The following SOCS7 variants were observed in gnomAD, a reference collection of about 807,000 sequenced individuals.
SOCS7 encodes suppressor of cytokine signaling 7.
In SOCS7, 18 loss-of-function variants were observed where a neutral mutation model predicts 58.9. That is an observed-to-expected ratio of 0.31 (90% confidence interval 0.21 to 0.45). The LOEUF (loss-of-function observed/expected upper bound fraction) is 0.45. Ranked by LOEUF, SOCS7 falls within the 20% of genes least tolerant of loss-of-function variation. The pLI is 1.00. For synonymous variants in SOCS7, 388 were observed against 364.3 expected (o/e 1.06, Z -0.74); for missense variants, 667 against 837.3 (o/e 0.80, Z 2.51).
At chr17:38,387,096 A>ATAT (rs1476617496) in intron 7 of SOCS7, among the ~76,000 whole-genome samples, 5 of 91,806 alleles carry the variant, frequency 5.4e-5, no homozygotes, top group Non-Finnish European at 7.7e-5. Flanking sequence ...AAAAAAAAAA[A>ATAT]AAAAAAATAT....
intron 9 of SOCS7, among the ~76,000 whole-genome samples, chr17:38,397,896 G>T (rs561237635): frequency 6.6e-6 from 1 of 152,298 alleles, no homozygotes; most frequent in Admixed American, 6.5e-5. Context: ...GGAGAGACTT[G>T]TGAGGAGGTG....
chr17:38,371,324 G>A (rs2037861144), intron 6 of SOCS7, among the ~76,000 whole-genome samples: 1 of 151,882 alleles, frequency 6.6e-6, no homozygotes, highest in African/African-American at 2.4e-5. Flanking sequence ...GCCCAGGCTG[G>A]AGTGCAGTGG....
Position 38,368,100 on chromosome 17 carries a change from C to T in SOCS7, c.1552+50C>T, listed in dbSNP as rs763231234. On this transcript the variant is annotated intron_variant, in intron 6 of 9. Coordinates refer to ENST00000612932, the MANE Select transcript of SOCS7 (RefSeq NM_014598.4). ...TTCTTCCCCCCTTGATTTGCTCTACCTTTGCTGTCTGACTTTTTTGTGGAA... is the reference window on the plus strand; with the variant it reads ...TTCTTCCCCCCTTGATTTGCTCTACTTTTGCTGTCTGACTTTTTTGTGGAA... 1.7e-5 allele frequency: 25 copies of T among 1,498,000 alleles called. No individual in the cohort carries two copies. The Admixed American group carries it at 2.3e-4, about 14-fold the overall frequency. 92.8% of individuals were successfully genotyped at this position (1,498,000 alleles called of 1,614,324 possible).
chr17:38,391,791 T>TA (rs1480121365), intron 7 of SOCS7, among the ~76,000 whole-genome samples: 1 of 152,194 alleles, frequency 6.6e-6, no homozygotes, highest in African/African-American at 2.4e-5. Flanking sequence ...TCTTTTTACT[T>TA]ACACTGTTAA....
At chr17:38,382,471 G>C (rs189688323) in intron 7 of SOCS7, among the ~76,000 whole-genome samples, 4 of 146,278 alleles carry the variant, frequency 2.7e-5, no homozygotes, top group Non-Finnish European at 6.0e-5. Flanking sequence ...ATCATGCTTT[G>C]AATTGGACAG....
rs2037815996 is a variant in SOCS7, at chr17:38,368,128, GATTCA to G, written c.1552+79_1552+83del. ...TGCTGTCTGACTTTTTTGTGGAAGAGATTCATAGGAATGGAACTACAAATAGGGGA... is the reference window on the plus strand; with the variant it reads ...TGCTGTCTGACTTTTTTGTGGAAGAGTAGGAATGGAACTACAAATAGGGGA... On this transcript the variant is annotated intron_variant, in intron 6 of 9. Coordinates refer to ENST00000612932, the MANE Select transcript of SOCS7 (RefSeq NM_014598.4). 2.9e-5 allele frequency: 38 copies of G among 1,314,618 alleles called. 1 individual carries two copies. The South Asian group carries it at 5.5e-4, about 19-fold the overall frequency. The allele number at this position is 1,314,618 out of a possible 1,614,324, so 81.4% of individuals were successfully genotyped here.
chr17:38,395,585 T>C, intron 8 of SOCS7, 141 bp downstream of exon 8: 1 of 980,968 alleles, frequency 1.0e-6, no homozygotes, highest in Non-Finnish European at 1.5e-6. Context: ...ACACATTTCC[T>C]GTGTCTTAGC....
chr17:38,389,448 T>C (rs2038121384), intron 7 of SOCS7, among the ~76,000 whole-genome samples: 2 of 152,204 alleles, frequency 1.3e-5, no homozygotes, highest in South Asian at 4.1e-4. Flanking sequence ...CCTAGCTACT[T>C]GGAAGACTGA....
At chr17:38,379,190 A>T (rs930123261) in intron 7 of SOCS7, among the ~76,000 whole-genome samples, 4 of 151,658 alleles carry the variant, frequency 2.6e-5, no homozygotes, top group Non-Finnish European at 5.9e-5. Context: ...CAAAAAAAAA[A>T]AAACAAGGCA....
chr17:38,372,279 A>G (rs2037877768), intron 6 of SOCS7, among the ~76,000 whole-genome samples: 1 of 152,252 alleles, frequency 6.6e-6, no homozygotes, highest in Admixed American at 6.5e-5. Flanking sequence ...CATAAAATAT[A>G]TACAAATCTG....
At chr17:38,399,039 G>T (rs2038282338) in intron 9 of SOCS7, among the ~76,000 whole-genome samples, 1 of 147,310 alleles carries the variant, frequency 6.8e-6, no homozygotes, top group Admixed American at 6.9e-5. Context: ...AGTGAGCCAA[G>T]ATCATGCCTT....
At chr17:38,375,154 C>T (rs1262342822) in intron 6 of SOCS7, among the ~76,000 whole-genome samples, 1 of 152,156 alleles carries the variant, frequency 6.6e-6, no homozygotes, top group Non-Finnish European at 1.5e-5. Flanking sequence ...GTGATCATGC[C>T]ACTGCACTCT....
chr17:38,382,232 A>G (rs1291933388), intron 7 of SOCS7, among the ~76,000 whole-genome samples: 1 of 151,840 alleles, frequency 6.6e-6, no homozygotes, highest in East Asian at 1.9e-4. Context: ...AGTTCTAACT[A>G]GCCTGGATAA....
Position 38,352,669 on chromosome 17 carries a change from G to C in SOCS7, c.617G>C (p.Arg206Pro). The change falls in exon 1 of 10, where the codon CGC becomes CCC. Residue 206 changes from arginine (R) to proline (P), a missense_variant. Around this residue, in one of 9 missense-constraint regions of SOCS7, gnomAD observed 208 missense variants for 190.3 expected, o/e 1.09. Coordinates refer to ENST00000612932, the MANE Select transcript of SOCS7 (RefSeq NM_014598.4). This position sits in a 1 kb window ranked among gnomAD's most constrained non-coding sequence, Gnocchi z 5.5. ...CSEEELSSPG[R>P]GGGGGGRLLL... is the part of the protein sequence containing the mutation. ...GAAGAGGAGCTCAGCAGCCCGGGTC[G>C]CGGAGGAGGAGGGGGCGGCCGGCTT... is the stretch of plus-strand genomic sequence containing the variant. The C allele has an allele frequency of 1.3e-6, 2 of 1,549,904 alleles. No individual in the cohort carries two copies. Among genetic ancestry groups the C allele is most frequent in the Non-Finnish European group, 1.7e-6 (2 of 1,146,820 alleles).
chr17:38,396,539 G>T (rs987356260), intron 9 of SOCS7, among the ~76,000 whole-genome samples: 1 of 152,206 alleles, frequency 6.6e-6, no homozygotes, highest in African/African-American at 2.4e-5. Flanking sequence ...TCTATTTAGC[G>T]TTCCATTTGG....
chr17:38,392,383 G>T (rs908806300), intron 7 of SOCS7, among the ~76,000 whole-genome samples: 2 of 152,136 alleles, frequency 1.3e-5, no homozygotes, highest in Non-Finnish European at 2.9e-5. Flanking sequence ...ATTATTAGAT[G>T]TATAAATTAC....
In SOCS7 at chr17:38,352,878, A is replaced by G. The variant is rs1204700305; in HGVS notation, c.826A>G (p.Ile276Val). The change falls in exon 1 of 10, where the codon ATC becomes GTC. Residue 276 changes from isoleucine (I) to valine (V), a missense_variant. Physicochemically the swap from Ile to Val is conservative, Grantham distance 29. Transcript: ENST00000612932. The surrounding 1 kb of genome is among the most constrained non-coding windows in gnomAD (Gnocchi z 5.5). ...AGPSRKGSFK[I>V]RLSRLFRTKS... ...TCCTTCTCGGAAGGGCTCCTTCAAA[A>G]TCCGCCTCAGTCGCCTCTTTCGCAC... 5.6e-6 allele frequency: 9 copies of G among 1,596,512 alleles called. No homozygotes were observed. The highest frequency in any genetic ancestry group is 7.7e-6 in the Non-Finnish European group (9 of 1,172,464).
rs889382031 is a variant in SOCS7, at chr17:38,387,690, ATATT to A, written c.1682-7615_1682-7612del. On this transcript the variant is annotated intron_variant, in intron 7 of 9. Transcript: ENST00000612932. ...TATACTATATATTTTATATATTTATATATTTATATTATACATATTATATATATAC... is the reference window on the plus strand; with the variant it reads ...TATACTATATATTTTATATATTTATATATATTATACATATTATATATATAC... Among the ~76,000 whole-genome samples the A allele has an allele frequency of 7.3e-5, 7 of 95,556 alleles. 1 individual carries two copies. Among genetic ancestry groups the A allele is most frequent in the African/African-American group, 3.8e-4 (6 of 15,604 alleles). The allele number at this position is 95,556 out of a possible 152,430, so 62.7% of individuals were successfully genotyped here.
In SOCS7 at chr17:38,395,867, C is replaced by A; in HGVS notation, c.1837C>A (p.Arg613=). ...TCACAGACCTCTGATCTCTTATATC[C>A]GAAAGTTCTACTACTATGATCCTCA... ...PLPKPLISYI[R]KFYYYDPQEE... is the part of the protein sequence containing the mutation. The change falls in exon 9 of 10, where the codon CGA becomes AGA. Residue 613 remains arginine (R), a synonymous_variant. Transcript: ENST00000612932. 1.9e-6 allele frequency: 3 copies of A among 1,610,906 alleles called. No individual in the cohort carries two copies. In the South Asian group the frequency reaches 3.3e-5, roughly 18 times the overall value.
Sources: allele counts gnomAD v4.1 joint callset (sites outside exome capture counted in the v4.1 genomes callset), GRCh38; gene constraint gnomAD v4.1.1; regional missense constraint gnomAD v4.1.1; non-coding constraint Gnocchi (gnomAD v3.1); transcripts MANE v1.5; gene names NCBI Gene and HGNC (gene_info 2026-07-23, HGNC 2026-07-21).